The following TRIM67 variants were observed in gnomAD, a reference collection of about 807,000 sequenced individuals.
TRIM67 encodes the protein tripartite motif containing 67.
TRIM67 carries 39 observed loss-of-function variants against 71.0 expected under a neutral mutation model. The ratio of observed to expected loss-of-function variants is 0.55; its 90% CI spans 0.43 to 0.72. The LOEUF (loss-of-function observed/expected upper bound fraction) is 0.72, where lower values mean the gene tolerates loss of function less well. Among genes scored for constraint, TRIM67 ranks in the 30% least tolerant of loss-of-function variants. The pLI is 0.00. For missense variants in TRIM67, 973 were observed against 1,079.2 expected (o/e 0.90, Z 1.38); for synonymous variants, 481 against 473.9 (o/e 1.01, Z -0.19).
intron 1 of TRIM67, among the ~76,000 whole-genome samples, chr1:231,176,046 T>C (rs1198223853): frequency 1.3e-5 from 2 of 152,204 alleles, no homozygotes; most frequent in East Asian, 1.9e-4. Context: ...GTTTCCCAGT[T>C]AAAGCTGTTC....
intron 1 of TRIM67, among the ~76,000 whole-genome samples, chr1:231,169,894 C>A (rs1202392443): frequency 2.6e-5 from 4 of 152,194 alleles, no homozygotes; most frequent in Admixed American, 6.5e-5. Context: ...TTCAAGCCAC[C>A]TTTGCTGTAG....
chr1:231,193,503 G>GCTCTCTCTCTCTTTCTCTCTCT (rs1553325671), intron 1 of TRIM67, among the ~76,000 whole-genome samples: 1 of 81,946 alleles, frequency 1.2e-5, no homozygotes, highest in African/African-American at 4.6e-5. Context: ...TCTCTCTCAA[G>GCTCTCTCTCTCTTTCTCTCTCT]CTCTCTCTCT....
At chr1:231,202,168 T>TAGTGATGGAGGAGGAGATGGAGGA (rs1558304117) in intron 5 of TRIM67, among the ~76,000 whole-genome samples, 1 of 4,352 alleles carries the variant, frequency 2.3e-4, no homozygotes, top group African/African-American at 7.8e-4. Context: ...GAGGAGGTAG[T>TAGTGATGGAGGAGGAGATGGAGGA]GGAGGAGGAG....
chr1:231,199,809 T>C lies in TRIM67; in HGVS notation c.1264-339T>C, dbSNP rs1030707502. Among the ~76,000 whole-genome samples the C allele has an allele frequency of 3.3e-5, 5 of 152,210 alleles. No homozygotes were observed. The South Asian group carries it at 6.2e-4, about 19-fold the overall frequency. ...TGAGGGGGCTAGGACCATTGCATTA[T>C]CCAGGGCCACTGAGCGGTCGGAAGC... is the stretch of plus-strand genomic sequence containing the variant. On this transcript the variant is annotated intron_variant, in intron 3 of 9. Transcript: ENST00000366653.
intron 1 of TRIM67, among the ~76,000 whole-genome samples, chr1:231,181,022 G>A (rs1362017637): frequency 6.6e-6 from 1 of 152,272 alleles, no homozygotes; most frequent in East Asian, 1.9e-4. Context: ...CTAGAGTACA[G>A]TGGTGCGATC....
chr1:231,198,964 T>A lies in TRIM67; in HGVS notation c.1141-83T>A, dbSNP rs1391753553. 21 of 1,587,914 alleles carry A rather than the reference T, an allele frequency of 1.3e-5. No homozygotes were observed. In the Admixed American group the frequency reaches 2.9e-4, roughly 22 times the overall value. On this transcript the variant is annotated intron_variant, in intron 2 of 9. Transcript: ENST00000366653. ...AGGATGAACTTCTCTGAAATATATC[T>A]TTGTCTATAGCACTCACCAGATTTT... is the stretch of plus-strand genomic sequence containing the variant.
In TRIM67 at chr1:231,215,816, G is replaced by C; in HGVS notation, c.*376G>C. 1.9e-6 allele frequency: 2 copies of C among 1,031,352 alleles called. No individual in the cohort carries two copies. The highest frequency in any genetic ancestry group is 2.3e-6 in the Non-Finnish European group (2 of 860,180). 63.9% of individuals were successfully genotyped at this position (1,031,352 alleles called of 1,614,324 possible). ...GAGAGGAAGGTAGACTTTGAGACTG[G>C]CCTCCTGAGAGCGGCAGTCAGGAGC... On this transcript the variant is annotated 3_prime_UTR_variant, in exon 10 of 10. Coordinates refer to ENST00000366653, the MANE Select transcript of TRIM67 (RefSeq NM_001004342.5).
chr1:231,199,665 C>T (rs544536302), intron 3 of TRIM67, among the ~76,000 whole-genome samples: 4 of 152,268 alleles, frequency 2.6e-5, no homozygotes, highest in Non-Finnish European at 2.9e-5. Context: ...GAGTTGATGA[C>T]GGGCTGTCAC....
At chr1:231,196,144 G>T (rs1442004407) in intron 1 of TRIM67, among the ~76,000 whole-genome samples, 2 of 152,176 alleles carry the variant, frequency 1.3e-5, no homozygotes, top group Non-Finnish European at 2.9e-5. Context: ...GCCAGGGGAA[G>T]GCGAGGGGGA....
At chr1:231,204,600 C>A (rs1683645150) in intron 6 of TRIM67, among the ~76,000 whole-genome samples, 1 of 152,214 alleles carries the variant, frequency 6.6e-6, no homozygotes, top group Non-Finnish European at 1.5e-5. Context: ...TCCACCCCAA[C>A]CCAGCCCTAA....
chr1:231,163,858 G>A lies in TRIM67; in HGVS notation c.889G>A (p.Ala297Thr). Residue 297 changes from alanine (A) to threonine (T), a missense_variant, in exon 1 of 10, where the codon GCC (alanine) becomes ACC (threonine). Physicochemically the swap from Ala to Thr is moderately conservative, Grantham distance 58. Coordinates refer to ENST00000366653, the MANE Select transcript of TRIM67 (RefSeq NM_001004342.5). The stretch of plus-strand genomic sequence containing the variant: ...GGCGGGGGCGACTGGGGGCAGCACG[G>A]CCCGCAAGTTCCCCACGTGTCCCGA... ...AGAGATGGST[A>T]RKFPTCPEHE... 1 of 1,563,146 alleles carries A rather than the reference G, an allele frequency of 6.4e-7. No individual in the cohort carries two copies. Among genetic ancestry groups the A allele is most frequent in the Non-Finnish European group, 8.7e-7 (1 of 1,154,640 alleles).
At position 231,215,607 on chromosome 1, in the gene TRIM67, T is replaced by C; in HGVS notation, c.*167T>C. 7.1e-7 allele frequency: 1 copy of C among 1,415,468 alleles called. No individual in the cohort carries two copies. The highest frequency in any genetic ancestry group is 9.2e-7 in the Non-Finnish European group (1 of 1,081,734). The allele number at this position is 1,415,468 out of a possible 1,614,324, so 87.7% of individuals were successfully genotyped here. A position where few individuals can be genotyped will look rare whatever the true frequency, so the allele number is the denominator to read the frequency against. On this transcript the variant is annotated 3_prime_UTR_variant, in exon 10 of 10. Transcript: ENST00000366653. Reference sequence around the variant, plus strand: ...CACATTTTCTTGGGGACGCAGGGAATGGGTCCACGGGCCATGCTCACAGCT... The same window carrying C: ...CACATTTTCTTGGGGACGCAGGGAACGGGTCCACGGGCCATGCTCACAGCT...
chr1:231,182,408 T>A (rs774670092), intron 1 of TRIM67, among the ~76,000 whole-genome samples: 133 of 148,788 alleles, frequency 8.9e-4, no homozygotes, highest in Middle Eastern at 6.8e-3. Context: ...AAAACAAATT[T>A]AAAAAAAAAA....
Position 231,216,438 on chromosome 1 carries a change from G to A in TRIM67, c.*998G>A. Reference sequence around the variant, plus strand: ...CTCCTTTCTGAAACTGGCAGCCCAAGAAGTTAACTGAAAATGCATCCAGAT... The same window carrying A: ...CTCCTTTCTGAAACTGGCAGCCCAAAAAGTTAACTGAAAATGCATCCAGAT... On this transcript the variant is annotated 3_prime_UTR_variant, in exon 10 of 10. Coordinates refer to ENST00000366653, the MANE Select transcript of TRIM67 (RefSeq NM_001004342.5). The A allele has an allele frequency of 6.1e-6, 6 of 985,374 alleles. No individual in the cohort carries two copies. The highest frequency in any genetic ancestry group is 7.2e-6 in the Non-Finnish European group (6 of 829,948). The allele number at this position is 985,374 out of a possible 1,614,324, so 61.0% of individuals were successfully genotyped here.
At chr1:231,165,236 C>T (rs1682420434) in intron 1 of TRIM67, among the ~76,000 whole-genome samples, 1 of 152,174 alleles carries the variant, frequency 6.6e-6, no homozygotes, top group Admixed American at 6.5e-5. Flanking sequence ...TATCCAGCCC[C>T]AAATGTCAAC....
intron 1 of TRIM67, chr1:231,185,009 G>T (rs1683024030): frequency 6.5e-7 from 1 of 1,532,732 alleles, no homozygotes; most frequent in African/African-American, 1.4e-5. Flanking sequence ...GCAGGTTGGG[G>T]AGGGTCAGCT....
In TRIM67 at chr1:231,215,482, A is replaced by T; in HGVS notation, c.*42A>T. ...CACTGTGCCTGTGACAGTGACATTC[A>T]CAGGCAAAACGCCCACCATTCTCAC... On this transcript the variant is annotated 3_prime_UTR_variant, in exon 10 of 10. Coordinates refer to ENST00000366653, the MANE Select transcript of TRIM67 (RefSeq NM_001004342.5). 1 of 1,548,748 alleles carries T rather than the reference A, an allele frequency of 6.5e-7. No individual in the cohort carries two copies. Among genetic ancestry groups the T allele is most frequent in the Non-Finnish European group, 8.8e-7 (1 of 1,141,812 alleles).
chr1:231,198,423 G>A (rs931965369), intron 2 of TRIM67, among the ~76,000 whole-genome samples: 2 of 152,062 alleles, frequency 1.3e-5, no homozygotes, highest in Non-Finnish European at 2.9e-5. Context: ...GTCTCACTCT[G>A]TCGCCCAGGC....
intron 1 of TRIM67, among the ~76,000 whole-genome samples, chr1:231,165,000 T>C (rs946277462): frequency 5.3e-5 from 8 of 152,162 alleles, no homozygotes; most frequent in African/African-American, 1.9e-4. Context: ...ATTTGCATAA[T>C]ACATATGAAA....
Sources: gnomAD v4.1 joint callset for allele counts (sites outside exome capture counted in the v4.1 genomes callset) on GRCh38, gnomAD v4.1.1 for gene constraint, MANE v1.5 for transcripts, NCBI Gene and HGNC (gene_info 2026-07-23, HGNC 2026-07-21) for gene names.